The following ZNF407 variants were observed in gnomAD, a reference collection of about 807,000 sequenced individuals.
The protein encoded by ZNF407 is zinc finger protein 407.
A neutral mutation model predicts 131.2 loss-of-function variants in ZNF407; 17 were observed. That is an observed-to-expected ratio of 0.13 (90% confidence interval 0.09 to 0.19). ZNF407 has a LOEUF of 0.19. ZNF407 is among the 10% of genes least tolerant of loss of function. The pLI is 1.00. For synonymous variants in ZNF407, 1,156 were observed against 1,062.0 expected, an observed-to-expected ratio of 1.09 and a Z score of -1.72; for missense variants, 2,681 against 2,830.6, an observed-to-expected ratio of 0.95 and a Z score of 1.20.
intron 3 of ZNF407, among the ~76,000 whole-genome samples, chr18:74,723,702 T>G (rs1163891358): frequency 6.6e-6 from 1 of 152,088 alleles, no homozygotes; most frequent in Non-Finnish European, 1.5e-5. Context: ...GTGCAGCTGG[T>G]TTTTCTGTTG....
At chr18:74,658,749 T>C (rs751672433) in intron 3 of ZNF407, among the ~76,000 whole-genome samples, 6 of 152,148 alleles carry the variant, frequency 3.9e-5, no homozygotes, top group Non-Finnish European at 8.8e-5. Context: ...TATTTAGGAG[T>C]GTCTGACTTG....
intron 8 of ZNF407, among the ~76,000 whole-genome samples, chr18:74,977,640 A>G (rs1274787066): frequency 1.3e-5 from 2 of 152,194 alleles, no homozygotes; most frequent in East Asian, 3.9e-4. Context: ...GGCAGGCTCC[A>G]CAGAAGGTGA....
chr18:74,710,657 C>T (rs1967737322), intron 3 of ZNF407, among the ~76,000 whole-genome samples: 1 of 152,164 alleles, frequency 6.6e-6, no homozygotes, highest in African/African-American at 2.4e-5. Flanking sequence ...TTTGTAAATA[C>T]ACCTCACAGT....
intron 8 of ZNF407, among the ~76,000 whole-genome samples, chr18:74,933,014 C>A (rs1972000509): frequency 6.6e-6 from 1 of 152,108 alleles, no homozygotes; most frequent in East Asian, 1.9e-4. Context: ...CGTAGAATTA[C>A]CGTATTATCC....
At position 74,981,560 on chromosome 18, in the gene ZNF407, A is replaced by T. The variant is rs531563778; in HGVS notation, c.5428+60868A>T. ...TATGTTCAGTCATGTGACAGAGGGTAAATGTTCTCAAGTACTTACTTCAAC... is the reference window on the plus strand; with the variant it reads ...TATGTTCAGTCATGTGACAGAGGGTTAATGTTCTCAAGTACTTACTTCAAC... On this transcript the variant is annotated intron_variant, in intron 8 of 8. Transcript: ENST00000299687. 2.0e-5 allele frequency among the ~76,000 whole-genome samples: 3 copies of T among 152,324 alleles called. No homozygotes were observed. In the East Asian group the frequency reaches 5.8e-4, roughly 29 times the overall value.
intron 3 of ZNF407, among the ~76,000 whole-genome samples, chr18:74,651,554 G>A (rs1985226538): frequency 6.6e-6 from 1 of 152,150 alleles, no homozygotes; most frequent in African/African-American, 2.4e-5. Context: ...TCTGTTGACA[G>A]TCATCGACAG....
chr18:74,723,940 C>CG (rs1968097474), intron 3 of ZNF407, among the ~76,000 whole-genome samples: 1 of 14,608 alleles, frequency 6.8e-5, no homozygotes, highest in Non-Finnish European at 1.2e-4. Context: ...TGGTGTGGGG[C>CG]GGGGTGGGGG....
chr18:75,062,475 G>A (rs1410678156), intron 8 of ZNF407: 1 of 152,178 alleles, frequency 6.6e-6, no homozygotes, highest in Admixed American at 6.5e-5. Context: ...GAGTGGCCAG[G>A]ACCCTGTGTC....
intron 8 of ZNF407, among the ~76,000 whole-genome samples, chr18:74,959,879 T>C (rs1972318868): frequency 6.6e-6 from 1 of 152,198 alleles, no homozygotes; most frequent in Admixed American, 6.5e-5. Flanking sequence ...TAAATAGTCA[T>C]CCTATGTTGT....
intron 1 of ZNF407, among the ~76,000 whole-genome samples, chr18:74,613,311 T>C (rs1265451154): frequency 6.6e-6 from 1 of 152,242 alleles, no homozygotes; most frequent in Non-Finnish European, 1.5e-5. Context: ...TAGATCAGTG[T>C]TGCTTCTACT....
chr18:75,004,615 A>C (rs1283570819), intron 8 of ZNF407, among the ~76,000 whole-genome samples: 1 of 152,144 alleles, frequency 6.6e-6, no homozygotes, highest in Non-Finnish European at 1.5e-5. Flanking sequence ...AATCAGACCC[A>C]TCGTTGAGAA....
intron 3 of ZNF407, among the ~76,000 whole-genome samples, chr18:74,726,949 A>G (rs1408999330): frequency 6.6e-6 from 1 of 152,182 alleles, no homozygotes; most frequent in Non-Finnish European, 1.5e-5. Context: ...AAGATAGTCA[A>G]TCTGTGGACA....
At chr18:74,806,190 C>T (rs905275891) in intron 4 of ZNF407, among the ~76,000 whole-genome samples, 2 of 152,230 alleles carry the variant, frequency 1.3e-5, no homozygotes, top group Admixed American at 6.5e-5. Context: ...CCTGCTGTGA[C>T]TGCAGGCCCA....
At chr18:74,987,089 A>G (rs749963881) in intron 8 of ZNF407, among the ~76,000 whole-genome samples, 5 of 152,134 alleles carry the variant, frequency 3.3e-5, no homozygotes, top group Non-Finnish European at 5.9e-5. Flanking sequence ...ACATCATATA[A>G]GTGTTTCAGG....
intron 3 of ZNF407, among the ~76,000 whole-genome samples, chr18:74,649,019 C>G (rs1398912955): frequency 2.0e-5 from 3 of 152,192 alleles, no homozygotes; most frequent in Non-Finnish European, 4.4e-5. Context: ...TCCTCTTTCC[C>G]CTGCCTTAGC....
chr18:74,646,700 G>A (rs1023922379), intron 3 of ZNF407, among the ~76,000 whole-genome samples: 1 of 152,176 alleles, frequency 6.6e-6, no homozygotes, highest in African/African-American at 2.4e-5. Flanking sequence ...GAAAGCCTAG[G>A]AGTGATCTTG....
In ZNF407 at chr18:75,064,042, G is replaced by A. The variant is rs1568317051; in HGVS notation, c.6321G>A (p.Val2107=). ...LVKDGVTQVV[V]SEEGAVHMVA... is the part of the protein sequence containing the mutation. ...AGGACGGTGTCACCCAGGTGGTGGT[G>A]AGCGAAGAGGGTGCCGTCCACATGG... The change falls in exon 9 of 9, where the codon GTG becomes GTA. Residue 2107 remains valine, a synonymous_variant. Transcript: ENST00000299687. 5.0e-6 allele frequency: 8 copies of A among 1,598,998 alleles called. No individual in the cohort carries two copies. The highest frequency in any genetic ancestry group is 5.1e-6 in the Non-Finnish European group (6 of 1,173,498).
chr18:74,879,749 T>C (rs985281567), intron 5 of ZNF407, among the ~76,000 whole-genome samples: 1 of 152,236 alleles, frequency 6.6e-6, no homozygotes, highest in Non-Finnish European at 1.5e-5. Context: ...CATTTTAACT[T>C]ACCCTTAGGA....
chr18:74,691,547 T>C (rs1967223441), intron 3 of ZNF407, among the ~76,000 whole-genome samples: 1 of 152,046 alleles, frequency 6.6e-6, no homozygotes, highest in African/African-American at 2.4e-5. Flanking sequence ...TTTTAAATTT[T>C]ATTGATTTGT....
Sources: allele counts gnomAD v4.1 joint callset (sites outside exome capture counted in the v4.1 genomes callset), GRCh38; gene constraint gnomAD v4.1.1; transcripts MANE v1.5; gene names NCBI Gene and HGNC (gene_info 2026-07-23, HGNC 2026-07-21).